Variants in AGAP1 observed in about 807,000 individuals in gnomAD.
AGAP1 encodes the protein ArfGAP with GTPase domain, ankyrin repeat and PH domain 1, also known as arf-GAP with GTPase, ANK repeat and PH domain-containing protein 1.
AGAP1 carries 29 observed loss-of-function variants against 105.3 expected under a neutral mutation model. The observed-to-expected ratio is 0.28, with a 90% CI of 0.21 to 0.38. AGAP1 has a LOEUF of 0.38. Among genes scored for constraint, AGAP1 ranks in the 10% least tolerant of loss-of-function variants. AGAP1 has a pLI of 1.00. For synonymous variants in AGAP1, 509 were observed against 485.9 expected, an observed-to-expected ratio of 1.05 and a Z score of -0.63; for missense variants, 998 against 1,165.1, an observed-to-expected ratio of 0.86 and a Z score of 2.09.
chr2:235,497,441 C>A (rs1427945632), intron 1 of AGAP1, among the ~76,000 whole-genome samples: 1 of 152,210 alleles, frequency 6.6e-6, no homozygotes, highest in African/African-American at 2.4e-5. Flanking sequence ...AGGTGCACAT[C>A]ATAACAAATG....
intron 1 of AGAP1, among the ~76,000 whole-genome samples, chr2:235,532,722 T>C (rs965342652): frequency 6.6e-6 from 1 of 152,166 alleles, no homozygotes; most frequent in Admixed American, 6.5e-5. Flanking sequence ...CAAAAGTTAA[T>C]GTTGTAAGAG....
chr2:236,021,398 G>C (rs560280361), intron 13 of AGAP1, among the ~76,000 whole-genome samples: 3 of 152,058 alleles, frequency 2.0e-5, no homozygotes, highest in Non-Finnish European at 4.4e-5. Context: ...TGGTAAGCCC[G>C]GGTCTCCTGA....
In AGAP1 at chr2:235,586,723, G is replaced by A. The variant is rs1165204820; in HGVS notation, c.163+91874G>A. On this transcript the variant is annotated intron_variant, in intron 1 of 17. Transcript: ENST00000304032. The surrounding 1 kb of genome is among the most constrained non-coding windows in gnomAD (Gnocchi z 4.2). The stretch of plus-strand genomic sequence containing the variant: ...ACGGCTTCTATGTGTGAACAACACA[G>A]ACCACTAAGAGATGTGACAAAGCTG... Among the ~76,000 whole-genome samples the A allele has an allele frequency of 6.6e-6, 1 of 152,204 alleles. No homozygotes were observed. The highest frequency in any genetic ancestry group is 1.5e-5 in the Non-Finnish European group (1 of 68,046).
At position 235,744,609 on chromosome 2, in the gene AGAP1, C is replaced by T. The variant is rs978000862; in HGVS notation, c.397-89C>T. On this transcript the variant is annotated intron_variant, in intron 4 of 17. Transcript: ENST00000304032. The surrounding 1 kb of genome is among the most constrained non-coding windows in gnomAD (Gnocchi z 5.2). ...TGTGACCGAGGGGATTCCTGCAGCC[C>T]CCTGCTGCCTGCCGCCATGCAGACA... is the stretch of plus-strand genomic sequence containing the variant. 6 of 1,526,506 alleles carry T rather than the reference C, an allele frequency of 3.9e-6. No homozygotes were observed. The African/African-American group carries it at 4.1e-5, about 10-fold the overall frequency. 94.6% of individuals were successfully genotyped at this position (1,526,506 alleles called of 1,614,324 possible).
Position 236,124,209 on chromosome 2 carries a change from G to A in AGAP1, c.*87G>A, listed in dbSNP as rs1220795604. ...TCAGAAGTCGCAGCACGTGAGTCCC[G>A]TCGCATCCCCTCCCTCTTCCTGGTG... On this transcript the variant is annotated 3_prime_UTR_variant, in exon 18 of 18. Transcript: ENST00000304032. This position sits in a 1 kb window ranked among gnomAD's most constrained non-coding sequence, Gnocchi z 5.1. 1.2e-5 allele frequency: 17 copies of A among 1,408,640 alleles called. No homozygotes were observed. Among genetic ancestry groups the A allele is most frequent in the Admixed American group, 6.0e-5 (3 of 49,906 alleles). The allele number at this position is 1,408,640 out of a possible 1,614,324, so 87.3% of individuals were successfully genotyped here. A position where few individuals can be genotyped will look rare whatever the true frequency, so the allele number is the denominator to read the frequency against.
At chr2:236,018,956 A>G (rs149903620) in intron 13 of AGAP1, among the ~76,000 whole-genome samples, 7 of 152,320 alleles carry the variant, frequency 4.6e-5, no homozygotes, top group Non-Finnish European at 7.3e-5. Flanking sequence ...TGGAAATTTC[A>G]TCACAGATAC....
At chr2:235,597,927 CTG>C (rs554909920) in intron 1 of AGAP1, among the ~76,000 whole-genome samples, 29 of 113,878 alleles carry the variant, frequency 2.5e-4, no homozygotes, top group Non-Finnish European at 2.3e-4. Context: ...CCCGTGTTTC[CTG>C]TGTGGAGCGT....
rs112376073 is a variant in AGAP1, at chr2:235,961,929, G to T, written c.1484-6533G>T. ...TAGTGCCGGGTGCTGGGTGAGCGAG[G>T]GTGGGTGAGCATCCATTTCCCAGGG... On this transcript the variant is annotated intron_variant, in intron 12 of 17. Coordinates refer to ENST00000304032, the MANE Select transcript of AGAP1 (RefSeq NM_001037131.3). The surrounding 1 kb of genome is among the most constrained non-coding windows in gnomAD (Gnocchi z 5.9). Among the ~76,000 whole-genome samples, 3 of 152,138 alleles carry T rather than the reference G, an allele frequency of 2.0e-5. No homozygotes were observed. The highest frequency in any genetic ancestry group is 6.5e-5 in the Admixed American group (1 of 15,286).
At position 236,001,375 on chromosome 2, in the gene AGAP1, C is replaced by T. The variant is rs1205814376; in HGVS notation, c.1645+32752C>T. ...GTGCAGGCCGCTAGTGCCCCCCACC[C>T]AGTCTCTGTGTCCTCTGCACAGTAG... On this transcript the variant is annotated intron_variant, in intron 13 of 17. Coordinates refer to ENST00000304032, the MANE Select transcript of AGAP1 (RefSeq NM_001037131.3). This position sits in a 1 kb window ranked among gnomAD's most constrained non-coding sequence, Gnocchi z 4.7. Among the ~76,000 whole-genome samples the T allele has an allele frequency of 2.0e-5, 3 of 152,224 alleles. No individual in the cohort carries two copies. The highest frequency in any genetic ancestry group is 7.2e-5 in the African/African-American group (3 of 41,460).
chr2:235,856,751 G>A (rs1344040673), intron 9 of AGAP1, among the ~76,000 whole-genome samples: 3 of 152,234 alleles, frequency 2.0e-5, no homozygotes, highest in Non-Finnish European at 4.4e-5. Flanking sequence ...TTGGATGTAG[G>A]ACAACCACCA....
chr2:235,754,617 G>A lies in AGAP1; in HGVS notation c.673+4129G>A, dbSNP rs901761075. Among the ~76,000 whole-genome samples, 1 of 152,084 alleles carries A rather than the reference G, an allele frequency of 6.6e-6. No homozygotes were observed. Among genetic ancestry groups the A allele is most frequent in the African/African-American group, 2.4e-5 (1 of 41,416 alleles). ...GAAACCTTGCATTCACTTTTTGTTC[G>A]CTTGTGTGGTCCTGTTTACTTTGCT... On this transcript the variant is annotated intron_variant, in intron 6 of 17. Transcript: ENST00000304032. The surrounding 1 kb of genome is among the most constrained non-coding windows in gnomAD (Gnocchi z 4.6).
rs6431400 is a variant in AGAP1, at chr2:235,867,725, C to T, written c.1051-15620C>T. Among the ~76,000 whole-genome samples the T allele has an allele frequency of 0.52, 78,475 of 151,940 alleles. 20,861 individuals are homozygous for T. The highest frequency in any genetic ancestry group is 0.72 in the South Asian group (3,454 of 4,816). ...AAGCAAGATGACTAAGTGTTCGTTACGGAAAAGTGGGATGTCAGGGGAGCC... is the reference window on the plus strand; with the variant it reads ...AAGCAAGATGACTAAGTGTTCGTTATGGAAAAGTGGGATGTCAGGGGAGCC... On this transcript the variant is annotated intron_variant, in intron 9 of 17. Transcript: ENST00000304032. The surrounding 1 kb of genome is among the most constrained non-coding windows in gnomAD (Gnocchi z 5.4).
At chr2:235,852,974 A>G in intron 9 of AGAP1, 3 of 1,255,000 alleles carry the variant, frequency 2.4e-6, no homozygotes, top group Non-Finnish European at 3.0e-6. Flanking sequence ...AAGAGGTTAC[A>G]GGAGGGAGAG....
At chr2:236,030,048 T>G (rs1356914482) in intron 13 of AGAP1, among the ~76,000 whole-genome samples, 1 of 152,234 alleles carries the variant, frequency 6.6e-6, no homozygotes, top group Non-Finnish European at 1.5e-5. Context: ...TGTGTTTCAC[T>G]CTTGTTCTTG....
intron 13 of AGAP1, among the ~76,000 whole-genome samples, chr2:236,034,907 T>C (rs1340744035): frequency 6.6e-6 from 1 of 151,706 alleles, no homozygotes. Flanking sequence ...CCCCTGGGAG[T>C]GGGGCTTGGG....
At chr2:235,605,807 G>C (rs1945912979) in intron 1 of AGAP1, among the ~76,000 whole-genome samples, 1 of 152,210 alleles carries the variant, frequency 6.6e-6, no homozygotes, top group Non-Finnish European at 1.5e-5. Flanking sequence ...TTTCAGCGCA[G>C]ATCCGATGAG....
chr2:235,530,614 G>A, intron 1 of AGAP1, among the ~76,000 whole-genome samples: 1 of 152,206 alleles, frequency 6.6e-6, no homozygotes, highest in Non-Finnish European at 1.5e-5. Context: ...CAGCTGTGTA[G>A]CATCTTCCGA....
At chr2:235,894,611 ACT>A (rs1295518100) in intron 10 of AGAP1, among the ~76,000 whole-genome samples, 8 of 134,978 alleles carry the variant, frequency 5.9e-5, no homozygotes, top group East Asian at 2.2e-4. Context: ...ATACACACAC[ACT>A]TAAACATACA....
intron 6 of AGAP1, among the ~76,000 whole-genome samples, chr2:235,760,027 G>C (rs1954304838): frequency 6.6e-6 from 1 of 152,128 alleles, no homozygotes; most frequent in Non-Finnish European, 1.5e-5. Context: ...TTACTGATGA[G>C]AGAAGCTTCT....
Sources: gnomAD v4.1 joint callset for allele counts (sites outside exome capture counted in the v4.1 genomes callset) on GRCh38, gnomAD v4.1.1 for gene constraint, Gnocchi (gnomAD v3.1) non-coding constraint, MANE v1.5 for transcripts, NCBI Gene and HGNC (gene_info 2026-07-23, HGNC 2026-07-21) for gene names.